Variants in BCAS3 observed in about 807,000 individuals in gnomAD.
BCAS3 encodes BCAS4/BCAS3 fusion.
Under a neutral mutation model 116.1 loss-of-function variants are expected in BCAS3, and 53 were observed. That is an observed-to-expected ratio of 0.46 (90% CI 0.37 to 0.57). The LOEUF (loss-of-function observed/expected upper bound fraction) is 0.57, where lower values mean the gene tolerates loss of function less well. BCAS3 is among the 20% of genes least tolerant of loss of function. The pLI is 0.00. For missense variants in BCAS3, 917 were observed against 1,165.4 expected (o/e 0.79, Z 3.10); for synonymous variants, 391 against 408.2 (o/e 0.96, Z 0.51).
chr17:61,187,688 G>A (rs1202972576), intron 22 of BCAS3, among the ~76,000 whole-genome samples: 1 of 152,154 alleles, frequency 6.6e-6, no homozygotes, highest in African/African-American at 2.4e-5. Context: ...ACCACATTAT[G>A]TTCTCTTTTT....
intron 19 of BCAS3, among the ~76,000 whole-genome samples, chr17:61,074,510 G>A (rs896661775): frequency 2.6e-5 from 4 of 152,130 alleles, no homozygotes; most frequent in African/African-American, 9.7e-5. Context: ...CTGGATAAAT[G>A]AATTTTTTTT....
At chr17:61,168,559 A>G (rs918576264) in intron 22 of BCAS3, among the ~76,000 whole-genome samples, 4 of 152,136 alleles carry the variant, frequency 2.6e-5, no homozygotes, top group Admixed American at 6.5e-5. Flanking sequence ...GTTTTTCCCT[A>G]GTAATTTAAT....
At chr17:60,968,995 T>C (rs973676926) in intron 14 of BCAS3, among the ~76,000 whole-genome samples, 3 of 141,568 alleles carry the variant, frequency 2.1e-5, no homozygotes, top group South Asian at 2.5e-4. Context: ...TCACCATGAG[T>C]TGGGGGGGGA....
intron 22 of BCAS3, among the ~76,000 whole-genome samples, chr17:61,299,458 AAAAAAAAAGAAAAG>A (rs1294606669): frequency 6.6e-6 from 1 of 151,142 alleles, no homozygotes; most frequent in Non-Finnish European, 1.5e-5. Flanking sequence ...AAAAAAAAAA[AAAAAAAAAGAAAAG>A]AAAAAAGATG....
In BCAS3 at chr17:61,158,309, T is replaced by C. The variant is rs1252238343; in HGVS notation, c.2425+73745T>C. ...GCCTTTATACCACATTTTTCTCAAG[T>C]GTTTCAGTCATTTTTTTAGGAAAAG... On this transcript the variant is annotated intron_variant, in intron 22 of 23. Coordinates refer to ENST00000407086, the MANE Select transcript of BCAS3 (RefSeq NM_017679.5). Among the ~76,000 whole-genome samples the C allele has an allele frequency of 2.0e-5, 3 of 152,208 alleles. No homozygotes were observed. In the East Asian group the frequency reaches 5.8e-4, roughly 29 times the overall value.
intron 22 of BCAS3, among the ~76,000 whole-genome samples, chr17:61,160,298 T>C (rs2078095026): frequency 6.6e-6 from 1 of 151,632 alleles, no homozygotes; most frequent in South Asian, 2.1e-4. Context: ...TTTTTTTTAA[T>C]TTACTGGATA....
intron 7 of BCAS3, among the ~76,000 whole-genome samples, chr17:60,831,976 A>G (rs9911678): frequency 0.22 from 33,277 of 152,048 alleles, 4,704 homozygotes; most frequent in African/African-American, 0.41. Context: ...TCTCAGACAA[A>G]AAAATAAAAT....
rs779368529 is a variant in BCAS3, at chr17:61,015,815, C to T, written c.1551C>T (p.Leu517=). The T allele has an allele frequency of 3.1e-6, 5 of 1,614,046 alleles. No individual in the cohort carries two copies. In the South Asian group the frequency reaches 4.4e-5, roughly 14 times the overall value. The change falls in exon 16 of 24, where the codon CTC becomes CTT. Residue 517 remains leucine, a synonymous_variant. Transcript: ENST00000407086. ...FTNNNPGNPR[L]SPLPSLMVVM... ...ACAACAACCCTGGCAACCCTCGGCTCTCTCCTCTTCCCAGCTTGATGGTAG... is the reference window on the plus strand; with the variant it reads ...ACAACAACCCTGGCAACCCTCGGCTTTCTCCTCTTCCCAGCTTGATGGTAG...
chr17:61,208,324 A>G lies in BCAS3; in HGVS notation c.2425+123760A>G, dbSNP rs1427034721. 6.6e-6 allele frequency among the ~76,000 whole-genome samples: 1 copy of G among 152,082 alleles called. No homozygotes were observed. Among genetic ancestry groups the G allele is most frequent in the Non-Finnish European group, 1.5e-5 (1 of 68,012 alleles). ...CAGGGACCAGAGAATTTTCTTCTTG[A>G]TGTTCTGTTAAAGCCTTGCTAAGCT... is the stretch of plus-strand genomic sequence containing the variant. On this transcript the variant is annotated intron_variant, in intron 22 of 23. Coordinates refer to ENST00000407086, the MANE Select transcript of BCAS3 (RefSeq NM_017679.5). The surrounding 1 kb of genome is among the most constrained non-coding windows in gnomAD (Gnocchi z 4.5).
At chr17:60,911,123 CTTTTTT>C (rs1162942971) in intron 12 of BCAS3, among the ~76,000 whole-genome samples, 6 of 88,256 alleles carry the variant, frequency 6.8e-5, no homozygotes, top group African/African-American at 9.0e-5. Context: ...TTTTTTCTTT[CTTTTTT>C]TTTTTTTTTT....
chr17:60,718,561 A>G (rs530902014), intron 5 of BCAS3, among the ~76,000 whole-genome samples: 1 of 152,038 alleles, frequency 6.6e-6, no homozygotes, highest in South Asian at 2.1e-4. Context: ...CAGCCTCCTG[A>G]GTAGTTGGGA....
At chr17:61,335,428 G>T (rs971671545) in intron 22 of BCAS3, among the ~76,000 whole-genome samples, 8 of 152,158 alleles carry the variant, frequency 5.3e-5, no homozygotes, top group Non-Finnish European at 1.0e-4. Flanking sequence ...TTTTCCAGTT[G>T]TAAGACTCTC....
intron 22 of BCAS3, among the ~76,000 whole-genome samples, chr17:61,194,280 A>G (rs143617073): frequency 6.6e-6 from 1 of 152,192 alleles, no homozygotes; most frequent in East Asian, 1.9e-4. Flanking sequence ...GAGACAGAGA[A>G]AGAAAACATG....
intron 22 of BCAS3, among the ~76,000 whole-genome samples, chr17:61,245,590 CCAAA>C (rs1219138983): frequency 2.0e-5 from 3 of 151,824 alleles, no homozygotes; most frequent in Non-Finnish European, 4.4e-5. Flanking sequence ...AAAGTTGTTT[CCAAA>C]CAATGTGTCA....
At chr17:60,730,914 TTCAGTAGAGCTGGC>T (rs1357673938) in intron 5 of BCAS3, among the ~76,000 whole-genome samples, 1 of 152,188 alleles carries the variant, frequency 6.6e-6, no homozygotes, top group Non-Finnish European at 1.5e-5. Flanking sequence ...ACTGTCAGCT[TTCAGTAGAGCTGGC>T]TCTGTAGTTA....
At chr17:61,078,648 A>G in intron 21 of BCAS3, 119 bp downstream of exon 21, 1 of 812,300 alleles carries the variant, frequency 1.2e-6, no homozygotes, top group East Asian at 2.7e-5. Flanking sequence ...TGCAGACTAC[A>G]TGTACTGTTG....
intron 14 of BCAS3, among the ~76,000 whole-genome samples, chr17:60,978,470 G>A (rs1485652987): frequency 6.7e-6 from 1 of 148,200 alleles, no homozygotes; most frequent in Non-Finnish European, 1.5e-5. Flanking sequence ...CACTCTAATG[G>A]TAGTTTCTTT....
intron 15 of BCAS3, among the ~76,000 whole-genome samples, chr17:61,006,066 C>A (rs536708023): frequency 6.6e-6 from 1 of 151,712 alleles, no homozygotes; most frequent in African/African-American, 2.4e-5. Flanking sequence ...TTTGTTCTTG[C>A]GATAGTTTAC....
chr17:60,784,838 G>A (rs933357883), intron 6 of BCAS3, among the ~76,000 whole-genome samples: 16 of 151,902 alleles, frequency 1.1e-4, no homozygotes, highest in African/African-American at 3.6e-4. Flanking sequence ...GCTCACGCCT[G>A]TAATCCCAGT....
Sources: gnomAD v4.1 joint callset for allele counts (sites outside exome capture counted in the v4.1 genomes callset) on GRCh38, gnomAD v4.1.1 for gene constraint, Gnocchi (gnomAD v3.1) non-coding constraint, MANE v1.5 for transcripts, NCBI Gene and HGNC (gene_info 2026-07-23, HGNC 2026-07-21) for gene names.